CRY1: variants seen among roughly 807,000 people sequenced by gnomAD.
CRY1 encodes the protein cryptochrome circadian regulator 1, also known as cryptochrome-1.
A neutral mutation model predicts 76.0 loss-of-function variants in CRY1; 45 were observed. That is an observed-to-expected ratio of 0.59 (90% confidence interval 0.47 to 0.76). The LOEUF (loss-of-function observed/expected upper bound fraction) is 0.76, where lower values mean the gene tolerates loss of function less well. CRY1 is among the 30% of genes least tolerant of loss of function. The pLI is 0.00. For synonymous variants in CRY1, 248 were observed against 244.0 expected (o/e 1.02, Z -0.15); for missense variants, 587 against 716.4 (o/e 0.82, Z 2.06).
At chr12:107,048,575 C>T (rs1300281990) in intron 1 of CRY1, among the ~76,000 whole-genome samples, 1 of 152,168 alleles carries the variant, frequency 6.6e-6, no homozygotes, top group Admixed American at 6.5e-5. Flanking sequence ...GATTCCTTTA[C>T]CAAATACCGT....
intron 1 of CRY1, among the ~76,000 whole-genome samples, chr12:107,085,180 T>C (rs1306146955): frequency 1.3e-5 from 2 of 152,188 alleles, no homozygotes; most frequent in African/African-American, 4.8e-5. Context: ...CTGGAGAGGA[T>C]GTGAAGAAAT....
At chr12:107,049,040 A>G (rs1361056421) in intron 1 of CRY1, among the ~76,000 whole-genome samples, 1 of 152,214 alleles carries the variant, frequency 6.6e-6, no homozygotes, top group African/African-American at 2.4e-5. Context: ...AATATGATCT[A>G]ACACCATTAA....
Position 107,068,251 on chromosome 12 carries a change from T to G in CRY1, c.158+24553A>C, listed in dbSNP as rs765578265. Among the ~76,000 whole-genome samples, 165 of 152,212 alleles carry G rather than the reference T, an allele frequency of 1.1e-3. 1 individual carries two copies. The highest frequency in any genetic ancestry group is 1.8e-3 in the Non-Finnish European group (123 of 68,028). ...CAATCTCTGATATATAGGGAAACTA[T>G]TTGATTACAATTTTTTGAGGTAAAA... On this transcript the variant is annotated intron_variant, in intron 1 of 12. Transcript: ENST00000008527.
At position 107,000,277 on chromosome 12, in the gene CRY1, G is replaced by C. The variant is rs191084992; in HGVS notation, c.685-195C>G. On this transcript the variant is annotated intron_variant, in intron 5 of 12. Coordinates refer to ENST00000008527, the MANE Select transcript of CRY1 (RefSeq NM_004075.5). ...GCATTCTTTTGTTTCAGTCGTCCTT[G>C]TGCAGCACATACTCATGTGAAATAA... Among the ~76,000 whole-genome samples the C allele has an allele frequency of 1.2e-4, 19 of 152,050 alleles. No individual in the cohort carries two copies. The highest frequency in any genetic ancestry group is 2.6e-4 in the Admixed American group (4 of 15,272).
At chr12:107,067,290 G>T (rs572650030) in intron 1 of CRY1, among the ~76,000 whole-genome samples, 1 of 152,202 alleles carries the variant, frequency 6.6e-6, no homozygotes, top group South Asian at 2.1e-4. Flanking sequence ...CTTCAAGAAA[G>T]TTGCCAGCCC....
chr12:107,064,120 G>C (rs553642868), intron 1 of CRY1, among the ~76,000 whole-genome samples: 1 of 152,028 alleles, frequency 6.6e-6, no homozygotes, highest in Non-Finnish European at 1.5e-5. Flanking sequence ...TATTACGACC[G>C]GGATGGAATA....
rs774741776 is a variant in CRY1, at chr12:106,999,550, C to A, written c.1137+1G>T. 1.9e-6 allele frequency: 3 copies of A among 1,608,286 alleles called. No individual in the cohort carries two copies. The African/African-American group carries it at 4.0e-5, about 22-fold the overall frequency. ...CATGCTATATCAGTTAGAACACTTA[C>A]CTTCATTCCTTCTTCCCAACTAATC... On this transcript the variant is annotated splice_donor_variant, in intron 7 of 12. Coordinates refer to ENST00000008527, the MANE Select transcript of CRY1 (RefSeq NM_004075.5). LOFTEE classifies it high-confidence loss of function.
intron 7 of CRY1, among the ~76,000 whole-genome samples, chr12:106,998,374 T>C (rs1315839672): frequency 1.3e-5 from 2 of 152,092 alleles, no homozygotes; most frequent in Non-Finnish European, 2.9e-5. Context: ...TTTAAAAGGA[T>C]ATTATTAGTA....
intron 1 of CRY1, among the ~76,000 whole-genome samples, chr12:107,082,404 C>T (rs973843180): frequency 2.5e-4 from 38 of 152,054 alleles, no homozygotes; most frequent in African/African-American, 8.9e-4. Context: ...ATTCTTCTCA[C>T]ACCACATAGC....
At chr12:107,024,514 C>A (rs1019605374) in intron 1 of CRY1, among the ~76,000 whole-genome samples, 6 of 151,914 alleles carry the variant, frequency 3.9e-5, no homozygotes, top group African/African-American at 1.5e-4. Context: ...GTGACTGGGA[C>A]CACAGGCATA....
At position 107,005,204 on chromosome 12, in the gene CRY1, G is replaced by A; in HGVS notation, c.312C>T (p.Pro104=). Reference sequence around the variant, plus strand: ...TAGCTGCGTCTCGTTCCTTTCCAAAGGGCTCAGAATCATACTCAATTGAAA... The same window carrying A: ...TAGCTGCGTCTCGTTCCTTTCCAAAAGGCTCAGAATCATACTCAATTGAAA... ...TKLSIEYDSE[P]FGKERDAAIK... The change falls in exon 3 of 13, where the codon CCC becomes CCT. Residue 104 remains proline (P), a synonymous_variant. Coordinates refer to ENST00000008527, the MANE Select transcript of CRY1 (RefSeq NM_004075.5). 6.2e-7 allele frequency: 1 copy of A among 1,613,480 alleles called. No individual in the cohort carries two copies. Among genetic ancestry groups the A allele is most frequent in the Non-Finnish European group, 8.5e-7 (1 of 1,179,830 alleles).
chr12:107,027,077 A>T (rs1952624858), intron 1 of CRY1, among the ~76,000 whole-genome samples: 1 of 152,168 alleles, frequency 6.6e-6, no homozygotes, highest in African/African-American at 2.4e-5. Flanking sequence ...GTATCAACTC[A>T]GTGATGTGTG....
chr12:107,013,780 A>AT (rs1403057004), intron 2 of CRY1, among the ~76,000 whole-genome samples: 1 of 152,178 alleles, frequency 6.6e-6, no homozygotes, highest in Non-Finnish European at 1.5e-5. Flanking sequence ...AGAACTTCAT[A>AT]TTTTTTTAAA....
chr12:107,033,478 C>T (rs1399901789), intron 1 of CRY1, among the ~76,000 whole-genome samples: 1 of 152,076 alleles, frequency 6.6e-6, no homozygotes, highest in Non-Finnish European at 1.5e-5. Context: ...AAACTAATTT[C>T]ACTCATGAGC....
At chr12:107,035,332 A>G (rs992771425) in intron 1 of CRY1, among the ~76,000 whole-genome samples, 4 of 152,200 alleles carry the variant, frequency 2.6e-5, no homozygotes, top group Admixed American at 2.0e-4. Flanking sequence ...ATCTATTAAC[A>G]ATTTATTGAG....
chr12:107,061,445 T>G (rs1050517992), intron 1 of CRY1, among the ~76,000 whole-genome samples: 5 of 151,962 alleles, frequency 3.3e-5, no homozygotes, highest in African/African-American at 1.2e-4. Flanking sequence ...AGTGGCGTGA[T>G]CTTAGCTCAC....
chr12:107,035,349 T>G (rs548207094), intron 1 of CRY1, among the ~76,000 whole-genome samples: 2 of 152,194 alleles, frequency 1.3e-5, no homozygotes, highest in Non-Finnish European at 2.9e-5. Flanking sequence ...TGAGAGCCTA[T>G]TAAGTGTCAG....
intron 1 of CRY1, among the ~76,000 whole-genome samples, chr12:107,077,277 G>A (rs1337265474): frequency 6.6e-6 from 1 of 152,270 alleles, no homozygotes; most frequent in Admixed American, 6.5e-5. Context: ...TTTCCACAGA[G>A]GTCCTTTTTA....
At chr12:107,020,475 G>C (rs1157471857) in intron 2 of CRY1, among the ~76,000 whole-genome samples, 2 of 152,050 alleles carry the variant, frequency 1.3e-5, no homozygotes, top group African/African-American at 2.4e-5. Context: ...GGATCATGGT[G>C]GCAGATTTCC....
Sources: gnomAD v4.1 joint callset for allele counts (sites outside exome capture counted in the v4.1 genomes callset) on GRCh38, gnomAD v4.1.1 for gene constraint, MANE v1.5 for transcripts, NCBI Gene and HGNC (gene_info 2026-07-23, HGNC 2026-07-21) for gene names.